ACSS1: variants seen among roughly 807,000 people sequenced by gnomAD.
ACSS1 encodes the protein acetyl-coenzyme A synthetase 2-like, mitochondrial.
A neutral mutation model predicts 75.3 loss-of-function variants in ACSS1; 42 were observed. The observed-to-expected ratio is 0.56, with a 90% CI of 0.44 to 0.72. The LOEUF is 0.72. ACSS1 is among the 30% of genes least tolerant of loss of function. The probability of loss-of-function intolerance (pLI) is 0.00; values close to 1 mark genes in which losing one functional copy is unlikely to be tolerated. For missense variants in ACSS1, 782 were observed against 935.7 expected (o/e 0.84, Z 2.14); for synonymous variants, 380 against 376.8 (o/e 1.01, Z -0.10).
At position 25,057,818 on chromosome 20, in the gene ACSS1, G is replaced by A. The variant is rs1317414246; in HGVS notation, c.285C>T (p.Phe95=). 1.2e-6 allele frequency: 2 copies of A among 1,605,360 alleles called. No individual in the cohort carries two copies. Among genetic ancestry groups the A allele is most frequent in the Middle Eastern group, 1.7e-4 (1 of 6,026 alleles). The part of the protein sequence containing the change: ...TPYHTVWDCD[F]STGKIGWFLG... The stretch of plus-strand genomic sequence containing the variant: ...GGAACCAGCCGATCTTGCCAGTGCT[G>A]AAGTCGCAGTCCCAGACGGTGTGGT... The change falls in exon 1 of 14, where the codon TTC becomes TTT. Residue 95 remains phenylalanine (F), a synonymous_variant. Transcript: ENST00000323482.
At chr20:25,035,994 G>A (rs1023646896) in intron 2 of ACSS1, among the ~76,000 whole-genome samples, 3 of 152,222 alleles carry the variant, frequency 2.0e-5, no homozygotes, top group African/African-American at 7.2e-5. Flanking sequence ...ACAGTTGCAG[G>A]AAACAGTGGC....
rs1209205587 is a variant in ACSS1 at position 25,014,158 on chromosome 20, C to T, written c.1340-85G>A. On this transcript the variant is annotated intron_variant, in intron 8 of 13. Coordinates refer to ENST00000323482, the MANE Select transcript of ACSS1 (RefSeq NM_032501.4). ...CAGAGTGGGTGGTAGGTGGGACTGT[C>T]CCTGTTGTGGGCAAGGAAACGCCTC... The T allele has an allele frequency of 6.8e-6, 8 of 1,184,700 alleles. No individual in the cohort carries two copies. The East Asian group carries it at 2.1e-4, about 31-fold the overall frequency. The allele number at this position is 1,184,700 out of a possible 1,614,324, so 73.4% of individuals were successfully genotyped here.
chr20:25,020,693 C>T (rs1176346685), intron 6 of ACSS1, among the ~76,000 whole-genome samples: 1 of 152,262 alleles, frequency 6.6e-6, no homozygotes. Context: ...GGCCATGGCC[C>T]TTAATCCCTG....
chr20:25,011,836 TCC>T (rs1398729915), intron 12 of ACSS1: 1 of 152,190 alleles, frequency 6.6e-6, no homozygotes, highest in Non-Finnish European at 1.5e-5. Context: ...CAGGGTGGCC[TCC>T]CAGCGGGAGG....
Position 25,013,948 on chromosome 20 carries a change from G to A in ACSS1, c.1452+13C>T, listed in dbSNP as rs373479533. ...AAGCACATGACCCCCATGTGGGGGA[G>A]GCCCATACACACCTTCTCATCCATG... On this transcript the variant is annotated intron_variant, in intron 9 of 13. Transcript: ENST00000323482. The A allele has an allele frequency of 1.9e-5, 30 of 1,609,056 alleles. No individual in the cohort carries two copies. In the African/African-American group the frequency reaches 2.8e-4, roughly 15 times the overall value.
Position 25,013,593 on chromosome 20 carries a change from T to C in ACSS1, c.1522A>G (p.Arg508Gly). The change falls in exon 10 of 14, where the codon AGG (arginine) becomes GGG (glycine). Residue 508 changes from arginine (R) to glycine (G), a missense_variant. By Grantham distance (125) the Arg-to-Gly change is moderately radical. Around this residue, in one of 2 missense-constraint regions of ACSS1, gnomAD observed 405 missense variants for 552.6 expected, o/e 0.73. Coordinates refer to ENST00000323482, the MANE Select transcript of ACSS1 (RefSeq NM_032501.4). Reference protein sequence around the residue: ...CISQAWPGMARTIYGDHQRFV... With the variant: ...CISQAWPGMAGTIYGDHQRFV... The stretch of plus-strand genomic sequence containing the variant: ...CGCTGGTGGTCGCCATAGATGGTCC[T>C]GGCCATGCCCGGCCAGGCCTGGGAG... 1.2e-6 allele frequency: 2 copies of C among 1,611,024 alleles called. No individual in the cohort carries two copies. The highest frequency in any genetic ancestry group is 1.7e-6 in the Non-Finnish European group (2 of 1,177,974).
intron 2 of ACSS1, chr20:25,031,219 G>GT (rs998652493): frequency 1.7e-5 from 9 of 540,464 alleles, no homozygotes; most frequent in Non-Finnish European, 2.0e-5. Context: ...TTACGGCAGG[G>GT]TTTTTTTAGG....
intron 2 of ACSS1, among the ~76,000 whole-genome samples, chr20:25,043,477 G>A (rs937671417): frequency 1.3e-5 from 2 of 152,228 alleles, no homozygotes. Context: ...CGCATCAGGT[G>A]CCAGGCCTCA....
At chr20:25,054,239 C>T (rs556784221) in intron 1 of ACSS1, among the ~76,000 whole-genome samples, 47 of 152,346 alleles carry the variant, frequency 3.1e-4, no homozygotes, top group African/African-American at 1.1e-3. Context: ...GCCTATTCCC[C>T]ACCTATCCCA....
chr20:25,036,794 A>G (rs1286333643), intron 2 of ACSS1, among the ~76,000 whole-genome samples: 1 of 151,950 alleles, frequency 6.6e-6, no homozygotes, highest in Non-Finnish European at 1.5e-5. Flanking sequence ...TGTGTCTACT[A>G]AAAATACAGA....
intron 13 of ACSS1, 46 bp downstream of exon 13, chr20:25,009,221 TGTG>T (rs745950162): frequency 2.4e-5 from 34 of 1,428,664 alleles, no homozygotes; most frequent in Non-Finnish European, 3.3e-5. Flanking sequence ...ACTTGACAAT[TGTG>T]GGAAGAACAG....
intron 2 of ACSS1, chr20:25,032,741 GA>G: frequency 9.2e-7 from 1 of 1,084,708 alleles, no homozygotes; most frequent in Non-Finnish European, 1.1e-6. Flanking sequence ...GGCCACCCGG[GA>G]AACCACAGCA....
chr20:25,050,339 T>C (rs942515496), intron 1 of ACSS1, among the ~76,000 whole-genome samples: 4 of 152,102 alleles, frequency 2.6e-5, no homozygotes, highest in Non-Finnish European at 5.9e-5. Flanking sequence ...TATGATGCTA[T>C]GACAAGCCTG....
intron 3 of ACSS1, among the ~76,000 whole-genome samples, chr20:25,026,356 G>A (rs984946099): frequency 3.9e-5 from 6 of 152,242 alleles, no homozygotes; most frequent in African/African-American, 4.8e-5. Context: ...AGGCAAGAGT[G>A]ATGCCAGGCC....
chr20:25,054,982 C>T (rs1486987051), intron 1 of ACSS1, among the ~76,000 whole-genome samples: 1 of 152,230 alleles, frequency 6.6e-6, no homozygotes, highest in Non-Finnish European at 1.5e-5. Flanking sequence ...TTTGAAATAA[C>T]CAGTCCACTT....
intron 2 of ACSS1, chr20:25,046,570 C>T (rs2089093719): frequency 3.8e-6 from 2 of 533,288 alleles, no homozygotes; most frequent in Non-Finnish European, 3.4e-6. Context: ...CCTGCCGGAC[C>T]TCCAGGTGTC....
At chr20:25,035,430 G>T (rs1310546444) in intron 2 of ACSS1, among the ~76,000 whole-genome samples, 6 of 149,550 alleles carry the variant, frequency 4.0e-5, no homozygotes, top group Non-Finnish European at 8.9e-5. Flanking sequence ...TTTTGAGATA[G>T]AGTCTCACTC....
At chr20:25,057,726 C>T (rs2089263455) in intron 1 of ACSS1, 43 bp downstream of exon 1, 1 of 1,514,706 alleles carries the variant, frequency 6.6e-7, no homozygotes, top group Non-Finnish European at 8.9e-7. Flanking sequence ...CCCCTCGGGA[C>T]CCAAGAGTTG....
At chr20:25,013,783 G>A in intron 9 of ACSS1, 121 bp from the exon 10 acceptor site, 1 of 1,422,178 alleles carries the variant, frequency 7.0e-7, no homozygotes, top group Non-Finnish European at 9.4e-7. Flanking sequence ...CCTGAGGAGG[G>A]CCCCAAGCCA....
Sources: allele counts gnomAD v4.1 joint callset (sites outside exome capture counted in the v4.1 genomes callset), GRCh38; gene constraint gnomAD v4.1.1; regional missense constraint gnomAD v4.1.1; transcripts MANE v1.5; gene names NCBI Gene and HGNC (gene_info 2026-07-23, HGNC 2026-07-21).